Variants in NPHS1 observed in about 807,000 individuals in gnomAD.
NPHS1 encodes NPHS1 adhesion molecule, nephrin, also known as nephrin.
Under a neutral mutation model 139.7 loss-of-function variants are expected in NPHS1, and 107 were observed. The ratio of observed to expected loss-of-function variants is 0.77; its 90% confidence interval spans 0.66 to 0.90. The LOEUF is 0.90. Among genes scored for constraint, NPHS1 ranks in the 40% least tolerant of loss-of-function variants. The pLI, the probability that NPHS1 is intolerant of heterozygous loss-of-function variation, is 0.00. For missense variants in NPHS1, 1,580 were observed against 1,654.2 expected, an observed-to-expected ratio of 0.96 and a Z score of 0.78; for synonymous variants, 707 against 706.6, an observed-to-expected ratio of 1.00 and a Z score of -0.01.
At chr19:35,835,613 C>T (rs537853848) in intron 23 of NPHS1, 92 bp downstream of exon 23, 3 of 1,160,562 alleles carry the variant, frequency 2.6e-6, no homozygotes, top group Non-Finnish European at 3.9e-6. Flanking sequence ...AGTCGTTAAG[C>T]AGCTGTGACT....
rs139954720 is a variant in NPHS1, at chr19:35,852,304, GTCTCTCTCTCTC to G, written c.-479_-468del. 6.9e-6 allele frequency among the ~76,000 whole-genome samples: 1 copy of G among 145,092 alleles called. No homozygotes were observed. Among genetic ancestry groups the G allele is most frequent in the Non-Finnish European group, 1.5e-5 (1 of 65,548 alleles). On this transcript the variant is annotated 5_prime_UTR_variant, in exon 1 of 29. Transcript: ENST00000378910. ...TGTCTCTGTCTCTTCCTCTCTCTCT[GTCTCTCTCTCTC>G]TCTCTCTCTCAATCTCTATCTTCTC...
chr19:35,848,507 C>G, intron 9 of NPHS1, 110 bp from the exon 10 acceptor site: 1 of 1,585,042 alleles, frequency 6.3e-7, no homozygotes, highest in Non-Finnish European at 8.6e-7. Context: ...ATCTCTACCT[C>G]CCCCTCTGTT....
At chr19:35,843,954 C>G (rs1018095850) in intron 16 of NPHS1, 149 bp downstream of exon 16, 6 of 1,100,686 alleles carry the variant, frequency 5.5e-6, no homozygotes, top group Non-Finnish European at 7.8e-6. Context: ...CCGCAGTGGG[C>G]GTGGTTACAC....
chr19:35,834,270 G>T (rs748781401), intron 23 of NPHS1, among the ~76,000 whole-genome samples: 1 of 152,050 alleles, frequency 6.6e-6, no homozygotes, highest in Middle Eastern at 3.4e-3. Flanking sequence ...GAAGAGACAC[G>T]CGCCCAGTTA....
intron 18 of NPHS1, 23 bp downstream of exon 18, chr19:35,842,356 T>G: frequency 6.2e-7 from 1 of 1,612,864 alleles, no homozygotes; most frequent in Non-Finnish European, 8.5e-7. Flanking sequence ...GGTCTTGAAG[T>G]CAGGTGTTTG....
In NPHS1 at chr19:35,841,860, C is replaced by T. The variant is rs759846180; in HGVS notation, c.2670G>A (p.Thr890=). 13 of 1,610,386 alleles carry T rather than the reference C, an allele frequency of 8.1e-6. No individual in the cohort carries two copies. The highest frequency in any genetic ancestry group is 6.6e-5 in the South Asian group (6 of 90,414). ...VPLDLQDPRY[T]EHTYHQGGVH... is the part of the protein sequence containing the mutation. ...CACCACCCTGGTGGTATGTGTGCTCCGTGTACCTAGAGAGAAGGTAGGGCA... is the reference window on the plus strand; with the variant it reads ...CACCACCCTGGTGGTATGTGTGCTCTGTGTACCTAGAGAGAAGGTAGGGCA... Residue 890 remains threonine (T), a synonymous_variant, in exon 20 of 29, where the codon ACG becomes ACA. Transcript: ENST00000378910.
At chr19:35,848,222 G>A (rs1424685596) in intron 10 of NPHS1, 31 bp downstream of exon 10, 3 of 1,614,156 alleles carry the variant, frequency 1.9e-6, no homozygotes, top group Admixed American at 1.7e-5. Flanking sequence ...CTGAGGCTTG[G>A]GGGCATTGCT....
chr19:35,851,792 G>C lies in NPHS1; in HGVS notation c.46C>G (p.Leu16Val), dbSNP rs1568457956. 6.4e-7 allele frequency: 1 copy of C among 1,553,476 alleles called. No homozygotes were observed. Among genetic ancestry groups the C allele is most frequent in the South Asian group, 1.2e-5 (1 of 84,184 alleles). ...TLRASLLLLG[L>V]LTEGLAQLAI... ...GGATCCCACTCACCTTCAGTCAGCA[G>C]CCCCAGGAGCAGGAGAGAAGCCCTG... Residue 16 changes from leucine to valine, a missense_variant, in exon 1 of 29, where the codon CTG becomes GTG. Transcript: ENST00000378910.
chr19:35,844,405 C>T lies in NPHS1; in HGVS notation c.1985G>A (p.Gly662Asp). 2 of 1,607,972 alleles carry T rather than the reference C, an allele frequency of 1.2e-6. No individual in the cohort carries two copies. The highest frequency in any genetic ancestry group is 1.7e-6 in the Non-Finnish European group (2 of 1,177,638). Reference sequence around the variant, plus strand: ...CACGGACACGGGCAGCAACGCCTCGCCCTGCTCCACCGCGGTCACCACCAG... The same window carrying T: ...CACGGACACGGGCAGCAACGCCTCGTCCTGCTCCACCGCGGTCACCACCAG... ...QVLVVTAVEQ[G>D]EALLPVSVSA... The change falls in exon 15 of 29, where the codon GGC becomes GAC. Residue 662 changes from glycine (G) to aspartate (D), a missense_variant. Coordinates refer to ENST00000378910, the MANE Select transcript of NPHS1 (RefSeq NM_004646.4).
Position 35,850,373 on chromosome 19 carries a change from G to A in NPHS1, c.599C>T (p.Ala200Val), listed in dbSNP as rs200571826. 5 of 1,613,832 alleles carry A rather than the reference G, an allele frequency of 3.1e-6. No homozygotes were observed. Among genetic ancestry groups the A allele is most frequent in the Admixed American group, 1.7e-5 (1 of 60,022 alleles). The change falls in exon 5 of 29, where the codon GCC becomes GTC. Residue 200 changes from alanine (A) to valine (V), a missense_variant. By Grantham distance (64) the Ala-to-Val change is moderately conservative. Transcript: ENST00000378910. Reference sequence around the variant, plus strand: ...GTTTCAGTTTCCACACCTGGCTGTGGCCTCCACAGTGAAGAGTTTCTGCTG... The same window carrying A: ...GTTTCAGTTTCCACACCTGGCTGTGACCTCCACAGTGAAGAGTTTCTGCTG... Reference protein sequence around the residue: ...GSQQKLFTVEATARVTPRSSD... With the variant: ...GSQQKLFTVEVTARVTPRSSD...
rs1973068329 is a variant in NPHS1, at chr19:35,842,203, G to A, written c.2584C>T (p.His862Tyr). The A allele has an allele frequency of 6.2e-7, 1 of 1,612,816 alleles. No homozygotes were observed. The highest frequency in any genetic ancestry group is 1.6e-4 in the Middle Eastern group (1 of 6,062). The stretch of plus-strand genomic sequence containing the variant: ...TTGGGGACACCTCGGGCACGGCAGT[G>A]GAGGGTGGCAGAACTGGTGCTGTCT... ...AGDSTSSATLHCRARGVPNIV... is the reference protein window; with the variant it reads ...AGDSTSSATLYCRARGVPNIV... Residue 862 changes from histidine (H) to tyrosine (Y), a missense_variant, in exon 19 of 29, where the codon CAC becomes TAC. Transcript: ENST00000378910.
rs1207939467 is a variant in NPHS1 at position 35,848,055 on chromosome 19, G to A, written c.1426C>T (p.Leu476Phe). 1 of 1,613,854 alleles carries A rather than the reference G, an allele frequency of 6.2e-7. No individual in the cohort carries two copies. The highest frequency in any genetic ancestry group is 2.2e-5 in the East Asian group (1 of 44,878). The change falls in exon 11 of 29, where the codon CTC (leucine) becomes TTC (phenylalanine). Residue 476 changes from leucine to phenylalanine, a missense_variant. Transcript: ENST00000378910. ...GTGGCACCAACCTTGTACCACATGA[G>A]GGAGGGCTCTGGGTTGCCCCCGATA... is the stretch of plus-strand genomic sequence containing the variant. Reference protein sequence around the residue: ...LAIGGNPEPSLMWYKDSRTVT... With the variant: ...LAIGGNPEPSFMWYKDSRTVT...
At chr19:35,835,662 A>C (rs1410994373) in intron 23 of NPHS1, 43 bp downstream of exon 23, 1 of 1,569,254 alleles carries the variant, frequency 6.4e-7, no homozygotes. Context: ...AGGAGGTTCC[A>C]TTCTCAGGGG....
Position 35,825,598 on chromosome 19 carries a change from G to A in NPHS1, c.*916C>T, listed in dbSNP as rs187198869. ...AACCTCTGCTGTGCTCTCTGCCACC[G>A]TAGATTAGTTTTGCCTATTTTAGAA... On this transcript the variant is annotated 3_prime_UTR_variant, in exon 29 of 29. Transcript: ENST00000378910. Among the ~76,000 whole-genome samples the A allele has an allele frequency of 1.3e-5, 2 of 152,152 alleles. No homozygotes were observed. Among genetic ancestry groups the A allele is most frequent in the Admixed American group, 6.5e-5 (1 of 15,268 alleles).
At chr19:35,840,425 C>T (rs897374050) in intron 20 of NPHS1, among the ~76,000 whole-genome samples, 39 of 150,950 alleles carry the variant, frequency 2.6e-4, no homozygotes, top group Middle Eastern at 3.4e-3. Context: ...AGCTCTGCCT[C>T]CTGGGTTCAC....
At position 35,841,821 on chromosome 19, in the gene NPHS1, G is replaced by T. The variant is rs1206323833; in HGVS notation, c.2709C>A (p.Leu903=). 1.9e-6 allele frequency: 3 copies of T among 1,614,078 alleles called. No homozygotes were observed. The Admixed American group carries it at 5.0e-5, about 27-fold the overall frequency. Residue 903 remains leucine, a synonymous_variant, in exon 20 of 29, where the codon CTC becomes CTA. Coordinates refer to ENST00000378910, the MANE Select transcript of NPHS1 (RefSeq NM_004646.4). ...TYHQGGVHSS[L]LTIANVSAAQ... is the part of the protein sequence containing the mutation. ...CGGCAGACACGTTGGCAATGGTCAG[G>T]AGGCTGCTGTGGACACCACCCTGGT...
intron 23 of NPHS1, among the ~76,000 whole-genome samples, chr19:35,834,586 G>A (rs1431346059): frequency 6.6e-6 from 1 of 150,716 alleles, no homozygotes; most frequent in African/African-American, 2.5e-5. Flanking sequence ...CCAGGCAAGA[G>A]GAAGATCTAA....
At chr19:35,834,427 T>C (rs527702236) in intron 23 of NPHS1, among the ~76,000 whole-genome samples, 23 of 152,284 alleles carry the variant, frequency 1.5e-4, no homozygotes, top group African/African-American at 5.1e-4. Flanking sequence ...AGACTCAGAA[T>C]CATGAGGAAG....
rs1973128478 is a variant in NPHS1 at position 35,845,633 on chromosome 19, C to G, written c.1757+36G>C. On this transcript the variant is annotated intron_variant, in intron 13 of 28. Transcript: ENST00000378910. This position sits in a 1 kb window ranked among gnomAD's most constrained non-coding sequence, Gnocchi z 5.5. Reference sequence around the variant, plus strand: ...GGGACATGCGTGGAGGGGGCGAGGCCAGACCAGAGAGGGGAGGGATCCCTC... The same window carrying G: ...GGGACATGCGTGGAGGGGGCGAGGCGAGACCAGAGAGGGGAGGGATCCCTC... 3.1e-6 allele frequency: 5 copies of G among 1,610,838 alleles called. No individual in the cohort carries two copies. In the East Asian group the frequency reaches 1.1e-4, roughly 36 times the overall value.
Sources: gnomAD v4.1 joint callset for allele counts (sites outside exome capture counted in the v4.1 genomes callset) on GRCh38, gnomAD v4.1.1 for gene constraint, Gnocchi (gnomAD v3.1) non-coding constraint, MANE v1.5 for transcripts, NCBI Gene and HGNC (gene_info 2026-07-23, HGNC 2026-07-21) for gene names.